INPP5A: variants seen among roughly 807,000 people sequenced by gnomAD.
INPP5A encodes 43 kDa inositol polyphosphate 5-phophatase.
A neutral mutation model predicts 65.2 loss-of-function variants in INPP5A; 14 were observed. The observed-to-expected ratio is 0.21, with a 90% CI of 0.14 to 0.34. The LOEUF (loss-of-function observed/expected upper bound fraction) is 0.34. Among genes scored for constraint, INPP5A ranks in the 10% least tolerant of loss-of-function variants. INPP5A has a pLI of 1.00. For missense variants in INPP5A, 431 were observed against 545.6 expected, an observed-to-expected ratio of 0.79 and a Z score of 2.09; for synonymous variants, 207 against 208.3, an observed-to-expected ratio of 0.99 and a Z score of 0.05.
intron 2 of INPP5A, among the ~76,000 whole-genome samples, chr10:132,623,683 T>G (rs562311941): frequency 6.6e-6 from 1 of 152,286 alleles, no homozygotes; most frequent in South Asian, 2.1e-4. Context: ...TGCTCTTTGT[T>G]AAGACACTGT....
Position 132,709,034 on chromosome 10 carries a change from TAGC to T in INPP5A, c.527+673_527+675del, listed in dbSNP as rs1845588433. ...GCCATGTAACAGACCGCCCTAAACT[TAGC>T]AGCTTTAAAAACACATACGAGGTCA... On this transcript the variant is annotated intron_variant, in intron 7 of 15. Coordinates refer to ENST00000368594, the MANE Select transcript of INPP5A (RefSeq NM_005539.5). Among the ~76,000 whole-genome samples the T allele has an allele frequency of 4.0e-5, 6 of 151,830 alleles. No individual in the cohort carries two copies. In the South Asian group the frequency reaches 1.2e-3, roughly 32 times the overall value.
intron 13 of INPP5A, among the ~76,000 whole-genome samples, chr10:132,780,633 G>A (rs923486924): frequency 6.6e-6 from 1 of 152,400 alleles, no homozygotes; most frequent in Admixed American, 6.5e-5. Flanking sequence ...TCAAGGTGCT[G>A]AGGCGCTGCC....
intron 1 of INPP5A, among the ~76,000 whole-genome samples, chr10:132,572,245 G>T (rs993000986): frequency 2.6e-5 from 4 of 152,216 alleles, no homozygotes; most frequent in African/African-American, 9.6e-5. Flanking sequence ...CCATGGGGGG[G>T]CCTTCAGAAG....
intron 3 of INPP5A, among the ~76,000 whole-genome samples, chr10:132,648,402 A>G (rs980487352): frequency 1.3e-5 from 2 of 152,194 alleles, no homozygotes; most frequent in African/African-American, 2.4e-5. Context: ...GCTTTAAACA[A>G]TTTTCTTTTT....
rs72854971 is a variant in INPP5A at position 132,549,264 on chromosome 10, C to T, written c.75+11093C>T. 0.028 allele frequency among the ~76,000 whole-genome samples: 4,189 copies of T among 152,286 alleles called. 93 individuals are homozygous for T. The highest frequency in any genetic ancestry group is 0.047 in the Non-Finnish European group (3,221 of 68,020). Reference sequence around the variant, plus strand: ...TGCTCTAGGGCTGGCCGAGTGGTCACTCTGTGGCTGTCTTTCCGGGAGCTG... The same window carrying T: ...TGCTCTAGGGCTGGCCGAGTGGTCATTCTGTGGCTGTCTTTCCGGGAGCTG... On this transcript the variant is annotated intron_variant, in intron 1 of 15. Transcript: ENST00000368594. This position sits in a 1 kb window ranked among gnomAD's most constrained non-coding sequence, Gnocchi z 4.9.
chr10:132,720,659 C>G (rs566763656), intron 8 of INPP5A, among the ~76,000 whole-genome samples: 102 of 134,252 alleles, frequency 7.6e-4, no homozygotes, highest in African/African-American at 2.7e-3. Flanking sequence ...CGGCTGTCTT[C>G]AGGGTTCTGT....
chr10:132,728,117 A>G (rs941544569), intron 9 of INPP5A, among the ~76,000 whole-genome samples: 2 of 152,196 alleles, frequency 1.3e-5, no homozygotes, highest in East Asian at 3.9e-4. Flanking sequence ...ATGCCTGTGT[A>G]TCAACATTTG....
chr10:132,643,913 G>C (rs1033764808), intron 2 of INPP5A, among the ~76,000 whole-genome samples: 1 of 152,130 alleles, frequency 6.6e-6, no homozygotes. Context: ...GTCCTAGGGC[G>C]TGTAGACACA....
At chr10:132,581,719 T>C (rs904047435) in intron 1 of INPP5A, among the ~76,000 whole-genome samples, 5 of 152,158 alleles carry the variant, frequency 3.3e-5, no homozygotes, top group African/African-American at 1.2e-4. Flanking sequence ...TTTTGCCCAT[T>C]TTTTTTGAGT....
intron 1 of INPP5A, among the ~76,000 whole-genome samples, chr10:132,578,530 GTCTCATCCAGGAGAGTGTGCGGGGA>G (rs2133295785): frequency 1.4e-5 from 2 of 147,762 alleles, no homozygotes; most frequent in Non-Finnish European, 3.0e-5. Flanking sequence ...TGTGCGGGGA[GTCTCATCCAGGAGAGTGTGCGGGGA>G]CTGGAGGGGC....
At chr10:132,633,325 A>G (rs193034935) in intron 2 of INPP5A, among the ~76,000 whole-genome samples, 3 of 152,148 alleles carry the variant, frequency 2.0e-5, no homozygotes, top group African/African-American at 7.2e-5. Context: ...TGCAGAGGAA[A>G]TATTTTTTTT....
rs1205889543 is a variant in INPP5A, at chr10:132,545,157, G to A, written c.75+6986G>A. 6.6e-6 allele frequency among the ~76,000 whole-genome samples: 1 copy of A among 152,010 alleles called. No individual in the cohort carries two copies. The highest frequency in any genetic ancestry group is 1.5e-5 in the Non-Finnish European group (1 of 67,984). On this transcript the variant is annotated intron_variant, in intron 1 of 15. Transcript: ENST00000368594. The surrounding 1 kb of genome is among the most constrained non-coding windows in gnomAD (Gnocchi z 4.6). ...CAGGTGGAGCAGGGCAGAGGGCCCC[G>A]CACGGCTCTGGGATGGCTGTGCTCG...
chr10:132,718,000 C>G (rs1015184177), intron 8 of INPP5A, among the ~76,000 whole-genome samples: 3 of 137,074 alleles, frequency 2.2e-5, no homozygotes, highest in Non-Finnish European at 4.6e-5. Context: ...CAGCTGTCTT[C>G]AGGGTTCTGT....
At chr10:132,680,845 C>A (rs549926168) in intron 4 of INPP5A, among the ~76,000 whole-genome samples, 10 of 152,366 alleles carry the variant, frequency 6.6e-5, no homozygotes, top group South Asian at 6.2e-4. Context: ...GCCCACCCAC[C>A]GGCGCTGCAC....
chr10:132,609,814 T>A (rs1203646250), intron 2 of INPP5A, among the ~76,000 whole-genome samples: 3 of 152,078 alleles, frequency 2.0e-5, no homozygotes, highest in Non-Finnish European at 4.4e-5. Flanking sequence ...CCGGCTAATT[T>A]TTGTATTTTT....
At position 132,697,578 on chromosome 10, in the gene INPP5A, C is replaced by T. The variant is rs893923407; in HGVS notation, c.371-238C>T. On this transcript the variant is annotated intron_variant, in intron 5 of 15. Transcript: ENST00000368594. This position sits in a 1 kb window ranked among gnomAD's most constrained non-coding sequence, Gnocchi z 5.6. ...AATCTGCAGTCTGGGAGCTCTCAGG[C>T]GATAATGGAGTGGAGTGTCAGATTC... Among the ~76,000 whole-genome samples, 4 of 152,196 alleles carry T rather than the reference C, an allele frequency of 2.6e-5. No individual in the cohort carries two copies. The highest frequency in any genetic ancestry group is 7.2e-5 in the African/African-American group (3 of 41,532).
chr10:132,607,420 C>T (rs1422748994), intron 1 of INPP5A, among the ~76,000 whole-genome samples: 1 of 152,230 alleles, frequency 6.6e-6, no homozygotes, highest in African/African-American at 2.4e-5. Flanking sequence ...GCCCCTTGCT[C>T]TTCACCCCAA....
intron 9 of INPP5A, among the ~76,000 whole-genome samples, chr10:132,746,395 G>A (rs891250518): frequency 1.3e-5 from 2 of 152,236 alleles, no homozygotes; most frequent in Non-Finnish European, 2.9e-5. Flanking sequence ...GACAGATTCA[G>A]CTCCCAACGT....
intron 1 of INPP5A, among the ~76,000 whole-genome samples, chr10:132,568,344 T>C (rs1311200231): frequency 6.6e-6 from 1 of 152,172 alleles, no homozygotes; most frequent in Admixed American, 6.5e-5. Flanking sequence ...GTTTTAATAT[T>C]TCAAAAGTTG....
Sources: allele counts gnomAD v4.1 joint callset (sites outside exome capture counted in the v4.1 genomes callset), GRCh38; gene constraint gnomAD v4.1.1; non-coding constraint Gnocchi (gnomAD v3.1); transcripts MANE v1.5; gene names NCBI Gene and HGNC (gene_info 2026-07-23, HGNC 2026-07-21).